The following ERLIN2 variants were observed in gnomAD, a reference collection of about 807,000 sequenced individuals.
ERLIN2 encodes the protein ER lipid raft associated 2, also known as erlin-2.
A neutral mutation model predicts 41.5 loss-of-function variants in ERLIN2; 22 were observed. That is an observed-to-expected ratio of 0.53 (90% CI 0.38 to 0.76). The LOEUF is 0.76. ERLIN2 is among the 30% of genes least tolerant of loss of function. The pLI, the probability that ERLIN2 is intolerant of heterozygous loss-of-function variation, is 0.00. For missense variants in ERLIN2, 247 were observed against 414.3 expected (o/e 0.60, Z 3.51); for synonymous variants, 149 against 150.9 (o/e 0.99, Z 0.09).
In ERLIN2 at chr8:37,744,367, G is replaced by C; in HGVS notation, c.249G>C (p.Met83Ile). ...CTCCCTCCAATAGTGGTGGTGTGAT[G>C]ATCTACTTTGACAGAATTGAAGTGG... ...NVPCGTSGGV[M>I]IYFDRIEVVN... Residue 83 changes from methionine (M) to isoleucine (I), a missense_variant, in exon 5 of 12, where the codon ATG becomes ATC. Around this residue, in one of 3 missense-constraint regions of ERLIN2, gnomAD observed 93 missense variants for 139.0 expected, o/e 0.67. Transcript: ENST00000519638. The C allele has an allele frequency of 6.2e-7, 1 of 1,614,044 alleles. No individual in the cohort carries two copies. The highest frequency in any genetic ancestry group is 8.5e-7 in the Non-Finnish European group (1 of 1,179,890).
intron 7 of ERLIN2, 49 bp from the exon 8 acceptor site, chr8:37,749,745 C>T: frequency 6.3e-7 from 1 of 1,585,682 alleles, no homozygotes; most frequent in Non-Finnish European, 8.7e-7. Context: ...TGGGTGTGTC[C>T]CTCACTACCC....
In ERLIN2 at chr8:37,741,940, G is replaced by A; in HGVS notation, c.236+122G>A. On this transcript the variant is annotated intron_variant, in intron 4 of 11. Transcript: ENST00000519638. This position sits in a 1 kb window ranked among gnomAD's most constrained non-coding sequence, Gnocchi z 4.8. Reference sequence around the variant, plus strand: ...TTCTTGGTTAATTCCCTGTCTCGTAGCTCCCTATATTGATTTGACCAGGTG... The same window carrying A: ...TTCTTGGTTAATTCCCTGTCTCGTAACTCCCTATATTGATTTGACCAGGTG... 2 of 754,000 alleles carry A rather than the reference G, an allele frequency of 2.7e-6. No homozygotes were observed. The highest frequency in any genetic ancestry group is 5.2e-5 in the East Asian group (2 of 38,336). The allele number at this position is 754,000 out of a possible 1,614,324, so 46.7% of individuals were successfully genotyped here.
chr8:37,748,067 C>T (rs893125316), intron 6 of ERLIN2: 4 of 1,378,708 alleles, frequency 2.9e-6, no homozygotes, highest in Non-Finnish European at 4.1e-6. Context: ...AATGACGTCA[C>T]GAGCGCGCCT....
chr8:37,745,951 C>A, intron 6 of ERLIN2: 1 of 1,070,356 alleles, frequency 9.3e-7, no homozygotes, highest in Non-Finnish European at 1.1e-6. Flanking sequence ...TGAAAAAAGA[C>A]AAAGGATCCC....
chr8:37,747,818 T>C, intron 6 of ERLIN2: 1 of 1,614,214 alleles, frequency 6.2e-7, no homozygotes. Context: ...TGGGCATGTT[T>C]GGCAGCATCA....
At position 37,757,919 on chromosome 8, in the gene ERLIN2, A is replaced by G. The variant is rs1803395634; in HGVS notation, c.*3804A>G. On this transcript the variant is annotated 3_prime_UTR_variant, in exon 12 of 12. Coordinates refer to ENST00000519638, the MANE Select transcript of ERLIN2 (RefSeq NM_007175.8). ...GACAAAGATATTTTCAAGTGAACCAAAATTCATTTTGATATCAGTTCAGTG... is the reference window on the plus strand; with the variant it reads ...GACAAAGATATTTTCAAGTGAACCAGAATTCATTTTGATATCAGTTCAGTG... 1 of 152,210 alleles carries G rather than the reference A, an allele frequency of 6.6e-6. No individual in the cohort carries two copies. Among genetic ancestry groups the G allele is most frequent in the South Asian group, 2.1e-4 (1 of 4,832 alleles). 9.4% of individuals were successfully genotyped at this position (152,210 alleles called of 1,614,324 possible).
intron 10 of ERLIN2, among the ~76,000 whole-genome samples, 183 bp downstream of exon 10, chr8:37,751,898 T>C (rs1261020793): frequency 1.3e-5 from 2 of 152,200 alleles, no homozygotes. Context: ...CTAGCATCTG[T>C]TTTCTACTTC....
Position 37,757,677 on chromosome 8 carries a change from T to C in ERLIN2, c.*3562T>C, listed in dbSNP as rs878873020. 6.6e-6 allele frequency: 1 copy of C among 152,216 alleles called. No homozygotes were observed. The highest frequency in any genetic ancestry group is 2.1e-4 in the South Asian group (1 of 4,834). The allele number at this position is 152,216 out of a possible 1,614,324, so 9.4% of individuals were successfully genotyped here. ...TAAAATGAGTCTTTGTATCTACTTT[T>C]TTATTAAAGTGAAATTTAGCAATAG... On this transcript the variant is annotated 3_prime_UTR_variant, in exon 12 of 12. Transcript: ENST00000519638.
intron 10 of ERLIN2, among the ~76,000 whole-genome samples, chr8:37,753,225 T>C (rs1406813764): frequency 1.3e-5 from 2 of 152,246 alleles, no homozygotes; most frequent in African/African-American, 4.8e-5. Context: ...CATAGGGAGA[T>C]GCTTTCAAAA....
At chr8:37,747,496 T>A in intron 6 of ERLIN2, 2 of 1,612,250 alleles carry the variant, frequency 1.2e-6, no homozygotes, top group Non-Finnish European at 1.7e-6. Flanking sequence ...TTCCCTAGCC[T>A]CAATCTCCTC....
chr8:37,751,044 ATACT>A (rs1273705213), intron 9 of ERLIN2, among the ~76,000 whole-genome samples: 1 of 152,214 alleles, frequency 6.6e-6, no homozygotes, highest in African/African-American at 2.4e-5. Context: ...ATAATGGCTA[ATACT>A]TAATTAAGCA....
intron 1 of ERLIN2, chr8:37,737,033 C>T (rs568789194): frequency 2.4e-4 from 235 of 975,284 alleles, no homozygotes; most frequent in Non-Finnish European, 2.8e-4. Context: ...CGCAGATGTC[C>T]GCGCCCCGGT....
chr8:37,751,283 G>A (rs1010571470), intron 9 of ERLIN2, among the ~76,000 whole-genome samples: 6 of 152,238 alleles, frequency 3.9e-5, no homozygotes, highest in South Asian at 2.1e-4. Context: ...TCACTGCACC[G>A]TATTATCAAC....
At chr8:37,737,258 G>C (rs887961853) in intron 1 of ERLIN2, 4 of 156,870 alleles carry the variant, frequency 2.5e-5, no homozygotes, top group African/African-American at 9.6e-5. Context: ...TTGGGGATCT[G>C]TCAGGTGCAA....
chr8:37,747,373 T>G, intron 6 of ERLIN2: 1 of 1,450,394 alleles, frequency 6.9e-7, no homozygotes, highest in Non-Finnish European at 9.7e-7. Flanking sequence ...CCCCTTCATT[T>G]TCACTTTCTT....
chr8:37,748,128 T>A (rs1803120184), intron 6 of ERLIN2: 5 of 688,796 alleles, frequency 7.3e-6, no homozygotes, highest in Non-Finnish European at 1.3e-5. Flanking sequence ...ATGGCATTTA[T>A]CAACATTTCC....
chr8:37,738,943 C>G (rs192100797), intron 2 of ERLIN2, among the ~76,000 whole-genome samples: 8 of 152,078 alleles, frequency 5.3e-5, no homozygotes, highest in Non-Finnish European at 4.4e-5. Flanking sequence ...GGTTGACTTA[C>G]GTCAATCAAA....
chr8:37,737,545 G>A (rs1802694246), intron 1 of ERLIN2: 1 of 304,542 alleles, frequency 3.3e-6, no homozygotes, highest in Non-Finnish European at 6.4e-6. Context: ...CCAAAGTACT[G>A]CAGCTGCCTC....
chr8:37,744,458 C>T (rs1370069074), intron 5 of ERLIN2, 42 bp downstream of exon 5: 1 of 1,609,758 alleles, frequency 6.2e-7, no homozygotes, highest in African/African-American at 1.3e-5. Flanking sequence ...CTCACTTTCC[C>T]CAGCATGCCA....
Sources: gnomAD v4.1 joint callset for allele counts (sites outside exome capture counted in the v4.1 genomes callset) on GRCh38, gnomAD v4.1.1 for gene constraint, gnomAD v4.1.1 regional missense constraint, Gnocchi (gnomAD v3.1) non-coding constraint, MANE v1.5 for transcripts, NCBI Gene and HGNC (gene_info 2026-07-23, HGNC 2026-07-21) for gene names.